The following RBFOX1 variants were observed in gnomAD, a reference collection of about 807,000 sequenced individuals.
RBFOX1 encodes RNA binding protein fox-1 homolog 1.
Under a neutral mutation model 57.7 loss-of-function variants are expected in RBFOX1, and 8 were observed. That is an observed-to-expected ratio of 0.14 (90% confidence interval 0.08 to 0.25). The LOEUF (loss-of-function observed/expected upper bound fraction) is 0.25. Among genes scored for constraint, RBFOX1 ranks in the 10% least tolerant of loss-of-function variants. The probability of loss-of-function intolerance (pLI) is 1.00; values close to 1 mark genes in which losing one functional copy is unlikely to be tolerated. For synonymous variants in RBFOX1, 326 were observed against 222.4 expected (o/e 1.47, Z -4.15); for missense variants, 611 against 548.5 (o/e 1.11, Z -1.14).
intron 3 of RBFOX1, among the ~76,000 whole-genome samples, chr16:6,744,323 T>G (rs751069148): frequency 2.6e-5 from 4 of 152,060 alleles, no homozygotes; most frequent in Non-Finnish European, 4.4e-5. Context: ...ATATATAGAT[T>G]TGAATAGTAG....
chr16:5,546,576 A>G (rs1039427358), intron 2 of RBFOX1, among the ~76,000 whole-genome samples: 1 of 152,188 alleles, frequency 6.6e-6, no homozygotes, highest in Non-Finnish European at 1.5e-5. Context: ...AATGAATTCC[A>G]ATCTGTATCT....
At chr16:5,310,271 GC>G (rs2064050201) in intron 1 of RBFOX1, among the ~76,000 whole-genome samples, 1 of 152,044 alleles carries the variant, frequency 6.6e-6, no homozygotes, top group Non-Finnish European at 1.5e-5. Context: ...GCATAGTAGT[GC>G]ACACCTGTAG....
At chr16:6,845,719 G>C (rs1292683923) in intron 3 of RBFOX1, among the ~76,000 whole-genome samples, 1 of 152,128 alleles carries the variant, frequency 6.6e-6, no homozygotes, top group Admixed American at 6.6e-5. Context: ...CTCTGACACA[G>C]ACCCATGTAC....
intron 3 of RBFOX1, among the ~76,000 whole-genome samples, chr16:5,715,538 G>T (rs1428427052): frequency 6.6e-6 from 1 of 152,222 alleles, no homozygotes; most frequent in Non-Finnish European, 1.5e-5. Flanking sequence ...CCAGTTGACT[G>T]ATCTCTCTCT....
chr16:6,478,429 A>ATATATTTTTTTTT (rs1159954387), intron 2 of RBFOX1, among the ~76,000 whole-genome samples: 2 of 24,628 alleles, frequency 8.1e-5, no homozygotes, highest in Non-Finnish European at 1.6e-4. Flanking sequence ...ATATATATAT[A>ATATATTTTTTTTT]TTTTTTTTTT....
intron 4 of RBFOX1, among the ~76,000 whole-genome samples, chr16:7,324,654 G>C (rs774879226): frequency 6.6e-6 from 1 of 152,178 alleles, no homozygotes. Flanking sequence ...GTCAGGAAGC[G>C]CTTAATGAAC....
At chr16:6,431,896 G>GCTTGCTTGCTTGCTTT (rs1491277692) in intron 2 of RBFOX1, among the ~76,000 whole-genome samples, 327 of 128,178 alleles carry the variant, frequency 2.6e-3, no homozygotes, top group African/African-American at 4.2e-3. Flanking sequence ...TTGCTTGCTT[G>GCTTGCTTGCTTGCTTT]CTTTCTTTCT....
At chr16:7,557,798 G>T (rs1037194230) in intron 5 of RBFOX1, among the ~76,000 whole-genome samples, 1 of 151,926 alleles carries the variant, frequency 6.6e-6, no homozygotes, top group Admixed American at 6.6e-5. Flanking sequence ...GGGAAGGAGC[G>T]GGAGAGGGCT....
In RBFOX1 at chr16:5,888,467, A is replaced by C. The variant is rs879844236; in HGVS notation, c.351+21132A>C. Among the ~76,000 whole-genome samples the C allele has an allele frequency of 2.6e-5, 4 of 152,148 alleles. No homozygotes were observed. In the South Asian group the frequency reaches 6.2e-4, roughly 24 times the overall value. ...AGTGTCCTGCTGTGTTCCAGCCTCC[A>C]ATACTGAAACCATAGTTGCCAAACA... On this transcript the variant is annotated intron_variant, in intron 4 of 19. Coordinates refer to the RBFOX1 transcript ENST00000641259.
intron 3 of RBFOX1, among the ~76,000 whole-genome samples, chr16:6,750,463 T>C (rs2074709164): frequency 6.6e-6 from 1 of 152,198 alleles, no homozygotes; most frequent in Admixed American, 6.5e-5. Flanking sequence ...AACACCCTTT[T>C]TAAAATTCAA....
At chr16:7,179,871 AT>A (rs915177270) in intron 4 of RBFOX1, among the ~76,000 whole-genome samples, 1 of 151,904 alleles carries the variant, frequency 6.6e-6, no homozygotes, top group African/African-American at 2.4e-5. Flanking sequence ...AATAGCTGGG[AT>A]AACAGACATC....
chr16:6,689,051 G>C lies in RBFOX1; in HGVS notation c.-16+34401G>C, dbSNP rs58563232. ...CCAGTCTATTATTGATGGGCATTTG[G>C]GTTGGTTGCAAGTCTTTGCTATTAT... is the stretch of plus-strand genomic sequence containing the variant. On this transcript the variant is annotated intron_variant, in intron 3 of 15. Coordinates refer to ENST00000550418, the MANE Select transcript of RBFOX1 (RefSeq NM_018723.4). Among the ~76,000 whole-genome samples, 899 of 152,208 alleles carry C rather than the reference G, an allele frequency of 5.9e-3. 5 individuals carry two copies. Among genetic ancestry groups the C allele is most frequent in the African/African-American group, 0.02 (833 of 41,506 alleles).
chr16:6,284,968 A>G (rs1278780263), intron 1 of RBFOX1, among the ~76,000 whole-genome samples: 2 of 152,174 alleles, frequency 1.3e-5, no homozygotes, highest in Non-Finnish European at 2.9e-5. Context: ...AGAAAACCCC[A>G]GGGTATCGGG....
intron 15 of RBFOX1, chr16:7,710,034 G>T: frequency 9.9e-7 from 1 of 1,005,972 alleles, no homozygotes; most frequent in Non-Finnish European, 1.2e-6. Context: ...ACCATGGCCG[G>T]ACAGTTCACT....
chr16:6,484,409 T>A (rs1446538343), intron 2 of RBFOX1, among the ~76,000 whole-genome samples: 3 of 152,108 alleles, frequency 2.0e-5, no homozygotes, highest in African/African-American at 7.2e-5. Flanking sequence ...GAGATTAAAT[T>A]GACAATACTG....
chr16:6,254,787 T>C (rs1364334307), intron 1 of RBFOX1, among the ~76,000 whole-genome samples: 3 of 152,182 alleles, frequency 2.0e-5, no homozygotes, highest in East Asian at 1.9e-4. Flanking sequence ...AAAATATACA[T>C]GTGAAAGGAA....
intron 2 of RBFOX1, among the ~76,000 whole-genome samples, chr16:6,519,111 T>A (rs1221682459): frequency 6.6e-6 from 1 of 151,340 alleles, no homozygotes; most frequent in Non-Finnish European, 1.5e-5. Context: ...AGGCACAAAG[T>A]GGAAAGCTTG....
chr16:6,203,001 C>A (rs796965662), intron 1 of RBFOX1, among the ~76,000 whole-genome samples: 30 of 152,036 alleles, frequency 2.0e-4, no homozygotes, highest in African/African-American at 6.7e-4. Context: ...GTCTTGAAAT[C>A]CTGGGTTCAA....
At chr16:6,904,467 G>C (rs757060131) in intron 3 of RBFOX1, among the ~76,000 whole-genome samples, 2 of 151,894 alleles carry the variant, frequency 1.3e-5, no homozygotes, top group Non-Finnish European at 2.9e-5. Context: ...TAGGTGTGGT[G>C]GTGGGTGCCT....
Sources: allele counts gnomAD v4.1 joint callset (sites outside exome capture counted in the v4.1 genomes callset), GRCh38; gene constraint gnomAD v4.1.1; transcripts MANE v1.5; gene names NCBI Gene and HGNC (gene_info 2026-07-23, HGNC 2026-07-21).